Variants in LYPLAL1 observed in about 807,000 individuals in gnomAD.
The protein encoded by LYPLAL1 is lysophospholipase like 1.
A neutral mutation model predicts 19.7 loss-of-function variants in LYPLAL1; 23 were observed. The ratio of observed to expected loss-of-function variants is 1.17; its 90% confidence interval spans 0.84 to 1.65. LYPLAL1 has a LOEUF of 1.65. Ranked by LOEUF, LYPLAL1 falls within the 40% of genes most tolerant of loss-of-function variation. The pLI is 0.00. For missense variants in LYPLAL1, 355 were observed against 279.4 expected (o/e 1.27, Z -1.93); for synonymous variants, 119 against 96.3 (o/e 1.24, Z -1.38).
intron 1 of LYPLAL1, among the ~76,000 whole-genome samples, chr1:219,178,943 A>G (rs1273649544): frequency 6.6e-6 from 1 of 152,196 alleles, no homozygotes; most frequent in Non-Finnish European, 1.5e-5. Flanking sequence ...AGCCAGGAGT[A>G]AAATAATCAA....
chr1:219,323,725 G>C, the LYPLAL1 span, among the ~76,000 whole-genome samples: 1 of 152,128 alleles, frequency 6.6e-6, no homozygotes, highest in Non-Finnish European at 1.5e-5. Flanking sequence ...GAAGGGAAGA[G>C]GGCAAAGGCA....
the LYPLAL1 span, among the ~76,000 whole-genome samples, chr1:219,340,904 G>T: frequency 6.6e-6 from 1 of 152,046 alleles, no homozygotes; most frequent in Non-Finnish European, 1.5e-5. Context: ...AGAGGGCAAT[G>T]AGTAATACCT....
chr1:219,411,565 T>C, the LYPLAL1 span, among the ~76,000 whole-genome samples: 1 of 152,092 alleles, frequency 6.6e-6, no homozygotes, highest in Non-Finnish European at 1.5e-5. Flanking sequence ...TGGGGCCAGA[T>C]AAGAGAATAA....
chr1:219,232,297 TA>T, the LYPLAL1 span, among the ~76,000 whole-genome samples: 1 of 152,064 alleles, frequency 6.6e-6, no homozygotes, highest in East Asian at 1.9e-4. Context: ...TTTAAAAATA[TA>T]AATACATACA....
chr1:219,284,524 A>C, the LYPLAL1 span, among the ~76,000 whole-genome samples: 3 of 152,232 alleles, frequency 2.0e-5, no homozygotes, highest in African/African-American at 7.2e-5. Flanking sequence ...TACAAAAAGT[A>C]AAAAATAAAT....
the LYPLAL1 span, among the ~76,000 whole-genome samples, chr1:219,393,319 C>T: frequency 2.0e-5 from 3 of 152,164 alleles, no homozygotes; most frequent in East Asian, 5.8e-4. Context: ...GCTGGTCATA[C>T]TGGAAGAGGT....
At chr1:219,210,504 C>CTTCTTT in intron 3 of LYPLAL1, 28 bp from the exon 4 acceptor site, 1 of 173,156 alleles carries the variant, frequency 5.8e-6, no homozygotes, top group Non-Finnish European at 1.0e-5. Flanking sequence ...TTTATGTATT[C>CTTCTTT]TACTTTTAAG....
the LYPLAL1 span, among the ~76,000 whole-genome samples, chr1:219,339,341 G>A: frequency 3.3e-4 from 50 of 152,116 alleles, no homozygotes; most frequent in Non-Finnish European, 5.2e-4. Context: ...ATGCAGATGA[G>A]TGTAACTACC....
chr1:219,206,756 T>G (rs1418659419), intron 3 of LYPLAL1, among the ~76,000 whole-genome samples: 1 of 151,312 alleles, frequency 6.6e-6, no homozygotes, highest in South Asian at 2.1e-4. Flanking sequence ...CCATCAAAAG[T>G]CTCTGAAACT....
the LYPLAL1 span, among the ~76,000 whole-genome samples, chr1:219,345,401 C>G: frequency 6.6e-6 from 1 of 152,192 alleles, no homozygotes; most frequent in African/African-American, 2.4e-5. Flanking sequence ...TTTCTCCTCT[C>G]CCTTACCAGA....
the LYPLAL1 span, among the ~76,000 whole-genome samples, chr1:219,328,920 A>G: frequency 7.2e-5 from 11 of 152,142 alleles, no homozygotes; most frequent in Admixed American, 1.3e-4. Flanking sequence ...CTTGTTTTCT[A>G]TCCTTATTAA....
chr1:219,266,351 A>G, the LYPLAL1 span, among the ~76,000 whole-genome samples: 1 of 152,166 alleles, frequency 6.6e-6, no homozygotes, highest in African/African-American at 2.4e-5. Context: ...ACAGAGGATC[A>G]GGGTCATCAA....
At chr1:219,361,759 T>G in the LYPLAL1 span, among the ~76,000 whole-genome samples, 1 of 152,138 alleles carries the variant, frequency 6.6e-6, no homozygotes, top group Non-Finnish European at 1.5e-5. Flanking sequence ...AAATTATTAT[T>G]CACATTATTC....
chr1:219,287,294 A>G, the LYPLAL1 span, among the ~76,000 whole-genome samples: 1 of 152,228 alleles, frequency 6.6e-6, no homozygotes, highest in Non-Finnish European at 1.5e-5. Context: ...TAACCTGTCT[A>G]CAGAAAATGC....
At chr1:219,187,865 AT>A (rs1303353086) in intron 2 of LYPLAL1, among the ~76,000 whole-genome samples, 1 of 151,914 alleles carries the variant, frequency 6.6e-6, no homozygotes, top group Admixed American at 6.6e-5. Flanking sequence ...AAAAACAGCT[AT>A]TTTGAAGAAA....
chr1:219,434,052 G>GA, the LYPLAL1 span, among the ~76,000 whole-genome samples: 40 of 146,696 alleles, frequency 2.7e-4, no homozygotes, highest in South Asian at 4.4e-4. Context: ...GCAGTAAAAA[G>GA]AAAAAAAAAA....
intron 3 of LYPLAL1, among the ~76,000 whole-genome samples, chr1:219,195,867 A>G (rs1657557998): frequency 6.6e-6 from 1 of 151,874 alleles, no homozygotes; most frequent in Admixed American, 6.6e-5. Flanking sequence ...GACAGGCCCC[A>G]GTGTGTGTTA....
At chr1:219,279,008 C>T in the LYPLAL1 span, among the ~76,000 whole-genome samples, 653 of 152,196 alleles carry the variant, frequency 4.3e-3, 6 homozygotes, top group African/African-American at 0.015. Flanking sequence ...TTCCTGGCCT[C>T]GGGCATGAAA....
At chr1:219,291,895 A>G in the LYPLAL1 span, among the ~76,000 whole-genome samples, 1 of 152,148 alleles carries the variant, frequency 6.6e-6, no homozygotes, top group Non-Finnish European at 1.5e-5. Flanking sequence ...CAAAAAAAAA[A>G]AAAGAAAGAA....
Sources: gnomAD v4.1 joint callset for allele counts (sites outside exome capture counted in the v4.1 genomes callset) on GRCh38, gnomAD v4.1.1 for gene constraint, MANE v1.5 for transcripts, NCBI Gene and HGNC (gene_info 2026-07-23, HGNC 2026-07-21) for gene names.